PARD3: variants seen among roughly 807,000 people sequenced by gnomAD.
PARD3 encodes the protein par-3 family cell polarity regulator, also known as partitioning defective 3 homolog.
Under a neutral mutation model 155.4 loss-of-function variants are expected in PARD3, and 75 were observed. That is an observed-to-expected ratio of 0.48 (90% CI 0.40 to 0.58). The LOEUF is 0.58. Ranked by LOEUF, PARD3 falls within the 20% of genes least tolerant of loss-of-function variation. PARD3 has a pLI of 0.00. For synonymous variants in PARD3, 576 were observed against 610.5 expected (o/e 0.94, Z 0.83); for missense variants, 1,642 against 1,721.7 (o/e 0.95, Z 0.82).
chr10:34,598,656 G>C (rs954857489), intron 2 of PARD3, among the ~76,000 whole-genome samples: 7 of 152,176 alleles, frequency 4.6e-5, no homozygotes, highest in African/African-American at 1.7e-4. Flanking sequence ...ATTAGTAAAT[G>C]GGGTTGCACC....
chr10:34,783,722 A>G (rs1840570955), intron 1 of PARD3, among the ~76,000 whole-genome samples: 1 of 152,168 alleles, frequency 6.6e-6, no homozygotes, highest in South Asian at 2.1e-4. Context: ...AAAACTTTAG[A>G]AAGAAAAAAA....
intron 2 of PARD3, among the ~76,000 whole-genome samples, chr10:34,587,130 TTTTG>T (rs199787482): frequency 0.012 from 1,829 of 152,238 alleles, 15 homozygotes; most frequent in Middle Eastern, 0.044. Flanking sequence ...TATTGTGTTT[TTTTG>T]TTTGCTTGAG....
chr10:34,386,649 C>T (rs905033372), intron 7 of PARD3, among the ~76,000 whole-genome samples: 1 of 151,760 alleles, frequency 6.6e-6, no homozygotes, highest in Non-Finnish European at 1.5e-5. Flanking sequence ...ATGGAGAAAC[C>T]CCCTCTCTAC....
In PARD3 at chr10:34,269,834, T is replaced by G; in HGVS notation, c.3242A>C (p.Gln1081Pro). 1 of 1,613,958 alleles carries G rather than the reference T, an allele frequency of 6.2e-7. No individual in the cohort carries two copies. The highest frequency in any genetic ancestry group is 8.5e-7 in the Non-Finnish European group (1 of 1,179,906). ...QARERDYAEI[Q>P]DFHRTFGCDD... ...ACAGCCAAATGTCCGATGAAAATCT[T>G]GAATTTCAGCATAGTCACGCTCTCG... Residue 1081 changes from glutamine (Q) to proline (P), a missense_variant, in exon 22 of 25, where the codon CAA becomes CCA. Physicochemically the swap from Gln to Pro is moderately conservative, Grantham distance 76. This residue lies in a region of PARD3 where 1,529 missense variants were observed against 1,587.3 expected (regional missense o/e 0.96). Transcript: ENST00000374788.
intron 2 of PARD3, among the ~76,000 whole-genome samples, chr10:34,682,628 A>T (rs1400879442): frequency 6.6e-6 from 1 of 152,188 alleles, no homozygotes; most frequent in Non-Finnish European, 1.5e-5. Context: ...AGGCTGAGGC[A>T]GGAGGCTCAT....
chr10:34,154,140 T>C (rs1351527015), intron 22 of PARD3, among the ~76,000 whole-genome samples: 1 of 152,202 alleles, frequency 6.6e-6, no homozygotes, highest in Non-Finnish European at 1.5e-5. Context: ...TCCATAAATT[T>C]ATTGCAGTTT....
intron 2 of PARD3, among the ~76,000 whole-genome samples, chr10:34,621,561 C>T (rs1184964583): frequency 1.3e-5 from 2 of 152,118 alleles, no homozygotes; most frequent in Non-Finnish European, 2.9e-5. Context: ...AAGAACACGC[C>T]TGGAAACCCC....
chr10:34,408,202 G>T, intron 5 of PARD3, among the ~76,000 whole-genome samples: 1 of 136,806 alleles, frequency 7.3e-6, no homozygotes, highest in Admixed American at 7.7e-5. Context: ...TTTGATTTTT[G>T]TGTTTAGAAA....
At chr10:34,286,511 C>G (rs1474123286) in intron 20 of PARD3, among the ~76,000 whole-genome samples, 1 of 152,238 alleles carries the variant, frequency 6.6e-6, no homozygotes, top group Non-Finnish European at 1.5e-5. Context: ...GCCACATTGG[C>G]ATGAGTCAGC....
chr10:34,708,997 CA>C (rs1261462389), intron 1 of PARD3, among the ~76,000 whole-genome samples: 10 of 151,956 alleles, frequency 6.6e-5, no homozygotes, highest in Non-Finnish European at 1.3e-4. Context: ...GCAAATAGTG[CA>C]AAAAAATACA....
chr10:34,586,001 T>G (rs2134305538), intron 2 of PARD3, among the ~76,000 whole-genome samples: 1 of 152,016 alleles, frequency 6.6e-6, no homozygotes, highest in Admixed American at 6.6e-5. Flanking sequence ...AGAATCAGAA[T>G]CCTCCACAAG....
At chr10:34,163,056 A>G (rs1406472435) in intron 22 of PARD3, among the ~76,000 whole-genome samples, 1 of 152,196 alleles carries the variant, frequency 6.6e-6, no homozygotes, top group Admixed American at 6.5e-5. Flanking sequence ...ATAAATAATT[A>G]CCTAATTACA....
chr10:34,467,917 C>A (rs1414361738), intron 4 of PARD3, among the ~76,000 whole-genome samples: 1 of 152,164 alleles, frequency 6.6e-6, no homozygotes, highest in Non-Finnish European at 1.5e-5. Context: ...GGTCTAGATA[C>A]AAACTGAACT....
intron 23 of PARD3, among the ~76,000 whole-genome samples, chr10:34,123,234 G>C (rs527822264): frequency 6.6e-6 from 1 of 152,106 alleles, no homozygotes; most frequent in East Asian, 1.9e-4. Context: ...GGATGCTGGA[G>C]AGCCATGATA....
chr10:34,652,284 C>A (rs190153431), intron 2 of PARD3, among the ~76,000 whole-genome samples: 533 of 152,284 alleles, frequency 3.5e-3, no homozygotes, highest in Middle Eastern at 6.8e-3. Context: ...TGGTCCACTA[C>A]CAGTCATCAA....
chr10:34,731,089 T>C (rs1402470234), intron 1 of PARD3, among the ~76,000 whole-genome samples: 3 of 150,704 alleles, frequency 2.0e-5, no homozygotes, highest in African/African-American at 7.3e-5. Context: ...AAGTCATCAT[T>C]ATAATCATCT....
chr10:34,177,777 C>A (rs1242187742), intron 22 of PARD3, among the ~76,000 whole-genome samples: 4 of 152,186 alleles, frequency 2.6e-5, no homozygotes, highest in Non-Finnish European at 5.9e-5. Context: ...GCCTGCGAAC[C>A]GCTCATATCC....
chr10:34,230,592 G>A (rs1952871090), intron 22 of PARD3, among the ~76,000 whole-genome samples: 1 of 152,094 alleles, frequency 6.6e-6, no homozygotes, highest in African/African-American at 2.4e-5. Flanking sequence ...TGAATACTGA[G>A]GATGTCTTGT....
At chr10:34,233,941 C>G (rs1953076019) in intron 22 of PARD3, among the ~76,000 whole-genome samples, 2 of 152,118 alleles carry the variant, frequency 1.3e-5, no homozygotes, top group South Asian at 4.1e-4. Flanking sequence ...TTATTATCTC[C>G]AGTTACCCTG....
Sources: gnomAD v4.1 joint callset for allele counts (sites outside exome capture counted in the v4.1 genomes callset) on GRCh38, gnomAD v4.1.1 for gene constraint, gnomAD v4.1.1 regional missense constraint, MANE v1.5 for transcripts, NCBI Gene and HGNC (gene_info 2026-07-23, HGNC 2026-07-21) for gene names.